FHIP1A: variants seen among roughly 807,000 people sequenced by gnomAD.
FHIP1A encodes FHF complex subunit HOOK-interacting protein 1A.
In FHIP1A, 61 loss-of-function variants were observed where a neutral mutation model predicts 88.6. That is an observed-to-expected ratio of 0.69 (90% CI 0.56 to 0.85). The LOEUF (loss-of-function observed/expected upper bound fraction) is 0.85, where lower values mean the gene tolerates loss of function less well. Among genes scored for constraint, FHIP1A ranks in the 40% least tolerant of loss-of-function variants. The pLI is 0.00. For missense variants in FHIP1A, 1,154 were observed against 1,273.5 expected, an observed-to-expected ratio of 0.91 and a Z score of 1.43; for synonymous variants, 478 against 496.0, an observed-to-expected ratio of 0.96 and a Z score of 0.48.
intron 4 of FHIP1A, among the ~76,000 whole-genome samples, chr4:151,568,121 T>C (rs1014218426): frequency 9.2e-5 from 14 of 152,340 alleles, no homozygotes; most frequent in African/African-American, 3.4e-4. Flanking sequence ...TGCCAGTACA[T>C]TGTGTCACAT....
At chr4:151,443,949 G>C (rs947499094) in intron 1 of FHIP1A, among the ~76,000 whole-genome samples, 3 of 151,614 alleles carry the variant, frequency 2.0e-5, no homozygotes, top group African/African-American at 7.3e-5. Flanking sequence ...CAGAGGGAGA[G>C]ATGGGAGTGC....
At chr4:151,606,742 A>T (rs1205439651) in intron 7 of FHIP1A, among the ~76,000 whole-genome samples, 1 of 152,102 alleles carries the variant, frequency 6.6e-6, no homozygotes, top group Non-Finnish European at 1.5e-5. Flanking sequence ...CTCTTCTTGT[A>T]ATAATCTTGA....
Position 151,649,761 on chromosome 4 carries a change from C to A in FHIP1A, c.1720C>A (p.Gln574Lys), listed in dbSNP as rs1736940177. 6.4e-7 allele frequency: 1 copy of A among 1,551,676 alleles called. No individual in the cohort carries two copies. The highest frequency in any genetic ancestry group is 8.7e-7 in the Non-Finnish European group (1 of 1,146,964). The change falls in exon 11 of 14, where the codon CAG becomes AAG. Residue 574 changes from glutamine to lysine, a missense_variant. Gln to Lys is a moderately conservative substitution (Grantham distance 53, BLOSUM62 1). Coordinates refer to ENST00000435205, the MANE Select transcript of FHIP1A (RefSeq NM_001109977.3). The stretch of plus-strand genomic sequence containing the variant: ...GCTGGCTCCCAGAAAGGACAAGAGC[C>A]AGACAGAGCTGGAATGGGATGACAG... ...PQLAPRKDKS[Q>K]TELEWDDSYD... is the part of the protein sequence containing the mutation.
intron 3 of FHIP1A, among the ~76,000 whole-genome samples, chr4:151,552,282 T>C (rs909213705): frequency 6.6e-6 from 1 of 152,174 alleles, no homozygotes; most frequent in African/African-American, 2.4e-5. Flanking sequence ...TCCTCAGGGA[T>C]CTAGAACTAG....
chr4:151,537,494 C>G (rs1169382952), intron 3 of FHIP1A, among the ~76,000 whole-genome samples: 3 of 152,122 alleles, frequency 2.0e-5, no homozygotes, highest in African/African-American at 4.8e-5. Flanking sequence ...ATTTTAGACA[C>G]TAGTCCTTTT....
At chr4:151,614,044 T>G (rs1735422102) in intron 7 of FHIP1A, among the ~76,000 whole-genome samples, 1 of 151,812 alleles carries the variant, frequency 6.6e-6, no homozygotes, top group Non-Finnish European at 1.5e-5. Context: ...ACGCCTGTAG[T>G]CTGAGCTACT....
intron 7 of FHIP1A, among the ~76,000 whole-genome samples, chr4:151,598,543 T>C (rs1304070736): frequency 6.6e-6 from 1 of 152,230 alleles, no homozygotes; most frequent in Non-Finnish European, 1.5e-5. Flanking sequence ...AAATTTTCTT[T>C]GTGCATTCTC....
Position 151,577,601 on chromosome 4 carries a change from G to A in FHIP1A, c.257G>A (p.Gly86Glu). ...GAGCAAGCCAAAGATGCTGCAATGGGGCCGATTCTGGAATTTGTGGTCTCT... is the reference window on the plus strand; with the variant it reads ...GAGCAAGCCAAAGATGCTGCAATGGAGCCGATTCTGGAATTTGTGGTCTCT... ...IEEQAKDAAM[G>E]PILEFVVSEN... is the part of the protein sequence containing the mutation. Residue 86 changes from glycine (G) to glutamate (E), a missense_variant, in exon 5 of 14, where the codon GGG (glycine) becomes GAG (glutamate). Physicochemically the swap from Gly to Glu is moderately conservative, Grantham distance 98. Coordinates refer to ENST00000435205, the MANE Select transcript of FHIP1A (RefSeq NM_001109977.3). The A allele has an allele frequency of 6.4e-7, 1 of 1,551,886 alleles. No individual in the cohort carries two copies.
chr4:151,658,372 G>A (rs1183520432), intron 13 of FHIP1A, among the ~76,000 whole-genome samples: 1 of 152,196 alleles, frequency 6.6e-6, no homozygotes, highest in Non-Finnish European at 1.5e-5. Flanking sequence ...ACCTGGACTC[G>A]CTTGTGTGTC....
chr4:151,586,685 A>G lies in FHIP1A; in HGVS notation c.777A>G (p.Thr259=), dbSNP rs1401012924. 1 of 1,551,204 alleles carries G rather than the reference A, an allele frequency of 6.4e-7. No individual in the cohort carries two copies. The highest frequency in any genetic ancestry group is 8.7e-7 in the Non-Finnish European group (1 of 1,146,642). The change falls in exon 6 of 14, where the codon ACA becomes ACG. Residue 259 remains threonine (T), a synonymous_variant. Transcript: ENST00000435205. ...GLSGLYSSLP[T]KLEEKGEEWH... ...GTGGTCTCTACTCTTCCCTGCCTAC[A>G]AAGCTAGAAGAGAAAGGCGAGGAAT...
chr4:151,659,584 G>T (rs1737376415), intron 13 of FHIP1A, among the ~76,000 whole-genome samples: 1 of 152,172 alleles, frequency 6.6e-6, no homozygotes, highest in East Asian at 1.9e-4. Flanking sequence ...ACCTTGTGTT[G>T]CAGCTTTTCA....
At chr4:151,519,057 A>G (rs953182561) in intron 3 of FHIP1A, among the ~76,000 whole-genome samples, 4 of 152,146 alleles carry the variant, frequency 2.6e-5, no homozygotes, top group Non-Finnish European at 4.4e-5. Flanking sequence ...CATGAACTCA[A>G]TATTTATTTA....
At chr4:151,576,412 A>G (rs6836343) in intron 4 of FHIP1A, among the ~76,000 whole-genome samples, 48,407 of 151,826 alleles carry the variant, frequency 0.32, 7,735 homozygotes, top group Non-Finnish European at 0.33. Flanking sequence ...ACCTCCTGGG[A>G]CTCAAATGAT....
intron 3 of FHIP1A, among the ~76,000 whole-genome samples, chr4:151,503,621 T>TA (rs989482299): frequency 3.1e-4 from 47 of 151,798 alleles, no homozygotes; most frequent in Admixed American, 1.5e-3. Flanking sequence ...AGAAAAAAAT[T>TA]AAAAAAAACC....
Position 151,414,060 on chromosome 4 carries a change from T to G in FHIP1A, c.-356+4595T>G, listed in dbSNP as rs13137853. ...CTATCTAGTTAGTGTTTGTTTGTTT[T>G]TTTTTTTTGAGACGGAGTCTCACTC... On this transcript the variant is annotated intron_variant, in intron 1 of 13. Transcript: ENST00000435205. Among the ~76,000 whole-genome samples, 371 of 114,538 alleles carry G rather than the reference T, an allele frequency of 3.2e-3. 3 individuals are homozygous for G. Among genetic ancestry groups the G allele is most frequent in the African/African-American group, 0.01 (333 of 32,374 alleles). The allele number at this position is 114,538 out of a possible 152,430, so 75.1% of individuals were successfully genotyped here.
At chr4:151,486,151 C>T (rs192689137) in intron 3 of FHIP1A, among the ~76,000 whole-genome samples, 9 of 152,252 alleles carry the variant, frequency 5.9e-5, no homozygotes, top group Non-Finnish European at 1.3e-4. Flanking sequence ...AGGTGGAGCT[C>T]AGGAAGTAAA....
intron 3 of FHIP1A, among the ~76,000 whole-genome samples, chr4:151,541,947 T>C (rs1218350465): frequency 6.6e-6 from 1 of 152,100 alleles, no homozygotes; most frequent in African/African-American, 2.4e-5. Flanking sequence ...TAAAAAGGGG[T>C]CCCTGGAGAA....
chr4:151,574,875 C>T (rs1430515179), intron 4 of FHIP1A, among the ~76,000 whole-genome samples: 1 of 151,708 alleles, frequency 6.6e-6, no homozygotes, highest in Non-Finnish European at 1.5e-5. Context: ...TATTTTGATT[C>T]TAATTCTCTT....
At chr4:151,470,739 A>G (rs772657266) in intron 2 of FHIP1A, among the ~76,000 whole-genome samples, 6 of 152,158 alleles carry the variant, frequency 3.9e-5, no homozygotes, top group Non-Finnish European at 7.4e-5. Context: ...TAGCTAGTGA[A>G]ACCTGACAGA....
Sources: gnomAD v4.1 joint callset for allele counts (sites outside exome capture counted in the v4.1 genomes callset) on GRCh38, gnomAD v4.1.1 for gene constraint, MANE v1.5 for transcripts, NCBI Gene and HGNC (gene_info 2026-07-23, HGNC 2026-07-21) for gene names.